LPAR1: variants seen among roughly 807,000 people sequenced by gnomAD.
LPAR1 encodes the protein LPA receptor 1.
In LPAR1, 5 loss-of-function variants were observed where a neutral mutation model predicts 23.8. The observed-to-expected ratio is 0.21, with a 90% CI of 0.11 to 0.44. LPAR1 has a LOEUF of 0.44. Among genes scored for constraint, LPAR1 ranks in the 20% least tolerant of loss-of-function variants. The probability of loss-of-function intolerance (pLI) is 0.99; values close to 1 mark genes in which losing one functional copy is unlikely to be tolerated. For synonymous variants in LPAR1, 160 were observed against 164.7 expected (o/e 0.97, Z 0.22); for missense variants, 311 against 482.8 (o/e 0.64, Z 3.33).
intron 2 of LPAR1, among the ~76,000 whole-genome samples, chr9:110,980,413 C>T (rs1293403505): frequency 9.2e-5 from 14 of 151,936 alleles, no homozygotes; most frequent in Admixed American, 9.2e-4. Flanking sequence ...ACTCCTCTTT[C>T]CTGGCAAGCC....
At chr9:110,878,402 T>C (rs1564342095) in intron 5 of LPAR1, among the ~76,000 whole-genome samples, 2 of 152,082 alleles carry the variant, frequency 1.3e-5, no homozygotes, top group Non-Finnish European at 2.9e-5. Context: ...CCACAATGAA[T>C]GGATATTCTG....
intron 4 of LPAR1, among the ~76,000 whole-genome samples, chr9:110,959,851 G>A (rs56733846): frequency 0.021 from 3,175 of 152,206 alleles, 122 homozygotes; most frequent in African/African-American, 0.07. Context: ...GCAGCAACAC[G>A]AATGGAGTGG....
chr9:110,886,382 T>A (rs1564367371), intron 5 of LPAR1, among the ~76,000 whole-genome samples: 1 of 107,204 alleles, frequency 9.3e-6, no homozygotes, highest in African/African-American at 3.4e-5. Flanking sequence ...AAAAAAAGAC[T>A]GATTTACCAG....
intron 5 of LPAR1, among the ~76,000 whole-genome samples, chr9:110,888,167 A>C (rs1467964537): frequency 6.6e-6 from 1 of 152,182 alleles, no homozygotes; most frequent in African/African-American, 2.4e-5. Context: ...TAAAAATATA[A>C]ATTTGTATTC....
chr9:110,914,032 T>G (rs2092777154), intron 5 of LPAR1, among the ~76,000 whole-genome samples: 1 of 152,190 alleles, frequency 6.6e-6, no homozygotes, highest in Non-Finnish European at 1.5e-5. Context: ...CATTGCTTTT[T>G]TCCTTTGGTT....
chr9:111,027,254 C>A (rs1478032466), intron 2 of LPAR1, among the ~76,000 whole-genome samples: 1 of 152,078 alleles, frequency 6.6e-6, no homozygotes, highest in Non-Finnish European at 1.5e-5. Context: ...TGCCTGCAAT[C>A]CCAACAGTTT....
rs142888517 is a variant in LPAR1 at position 110,919,399 on chromosome 9, C to T, written c.793+22022G>A. Among the ~76,000 whole-genome samples the T allele has an allele frequency of 4.7e-4, 71 of 152,206 alleles. No homozygotes were observed. The East Asian group carries it at 7.0e-3, about 15-fold the overall frequency. On this transcript the variant is annotated intron_variant, in intron 5 of 5. Transcript: ENST00000683809. Reference sequence around the variant, plus strand: ...ACATGAGAATGCAACCCAACTGGTACGCAGACTTCAGCTTGTGAGACCCCA... The same window carrying T: ...ACATGAGAATGCAACCCAACTGGTATGCAGACTTCAGCTTGTGAGACCCCA...
At chr9:110,958,058 A>T (rs78485856) in intron 4 of LPAR1, among the ~76,000 whole-genome samples, 1 of 152,208 alleles carries the variant, frequency 6.6e-6, no homozygotes, top group Non-Finnish European at 1.5e-5. Flanking sequence ...GAAAACTACA[A>T]AACACTGATG....
At chr9:110,912,413 CTTCTCATGACAGTTTTAAAAAAAGAA>C (rs2092570357) in intron 5 of LPAR1, among the ~76,000 whole-genome samples, 1 of 152,146 alleles carries the variant, frequency 6.6e-6, no homozygotes, top group Non-Finnish European at 1.5e-5. Flanking sequence ...AAACTCTTAT[CTTCTCATGACAGTTTTAAAAAAAGAA>C]TTAGTAGGGG....
chr9:110,951,386 C>A (rs556917001), intron 4 of LPAR1, among the ~76,000 whole-genome samples: 5 of 152,080 alleles, frequency 3.3e-5, no homozygotes, highest in African/African-American at 1.2e-4. Context: ...TAGAAACACA[C>A]ATAAGAAAGA....
intron 4 of LPAR1, among the ~76,000 whole-genome samples, chr9:110,966,255 C>T (rs113108296): frequency 0.027 from 4,142 of 152,044 alleles, 197 homozygotes; most frequent in African/African-American, 0.092. Context: ...CCAAGGTGGG[C>T]GGATCACTAA....
At chr9:110,885,129 T>G (rs1388566556) in intron 5 of LPAR1, among the ~76,000 whole-genome samples, 1 of 152,234 alleles carries the variant, frequency 6.6e-6, no homozygotes, top group South Asian at 2.1e-4. Flanking sequence ...TATGTACTAA[T>G]TTAGTCAATA....
intron 5 of LPAR1, among the ~76,000 whole-genome samples, chr9:110,909,909 G>A (rs1179161814): frequency 2.6e-5 from 4 of 151,522 alleles, no homozygotes; most frequent in Non-Finnish European, 4.4e-5. Flanking sequence ...CACCATGCTC[G>A]GCTAATTTTT....
intron 5 of LPAR1, among the ~76,000 whole-genome samples, chr9:110,933,293 G>A (rs2094509632): frequency 6.6e-6 from 1 of 152,170 alleles, no homozygotes; most frequent in Non-Finnish European, 1.5e-5. Context: ...TGGTGTGTAG[G>A]TAGATGTGAA....
At chr9:110,966,036 A>G (rs2096206888) in intron 4 of LPAR1, among the ~76,000 whole-genome samples, 1 of 152,200 alleles carries the variant, frequency 6.6e-6, no homozygotes, top group South Asian at 2.1e-4. Flanking sequence ...CAGAAAACCA[A>G]GTACCACATA....
chr9:110,921,347 C>T (rs2093620525), intron 5 of LPAR1, among the ~76,000 whole-genome samples: 2 of 152,114 alleles, frequency 1.3e-5, no homozygotes, highest in Admixed American at 1.3e-4. Flanking sequence ...AACTGACAAA[C>T]TAAACTTTAA....
intron 5 of LPAR1, among the ~76,000 whole-genome samples, chr9:110,889,776 T>C (rs2083509248): frequency 6.6e-6 from 1 of 152,172 alleles, no homozygotes; most frequent in African/African-American, 2.4e-5. Flanking sequence ...GTAATACAAA[T>C]CACATACCCT....
intron 2 of LPAR1, among the ~76,000 whole-genome samples, chr9:111,024,025 G>A (rs922376301): frequency 1.3e-5 from 2 of 152,028 alleles, no homozygotes; most frequent in African/African-American, 2.4e-5. Context: ...AAAAATATAC[G>A]AGGAAAAAGC....
intron 5 of LPAR1, among the ~76,000 whole-genome samples, chr9:110,878,358 G>A (rs552042120): frequency 6.6e-6 from 1 of 152,248 alleles, no homozygotes; most frequent in South Asian, 2.1e-4. Flanking sequence ...ACGAAAATGG[G>A]GGCTGGAAAA....
Sources: gnomAD v4.1 joint callset for allele counts (sites outside exome capture counted in the v4.1 genomes callset) on GRCh38, gnomAD v4.1.1 for gene constraint, MANE v1.5 for transcripts, NCBI Gene and HGNC (gene_info 2026-07-23, HGNC 2026-07-21) for gene names.